KNTC1: variants seen among roughly 807,000 people sequenced by gnomAD.
KNTC1 encodes kinetochore-associated protein 1.
Under a neutral mutation model 314.4 loss-of-function variants are expected in KNTC1, and 253 were observed. The observed-to-expected ratio is 0.80, with a 90% CI of 0.73 to 0.89. The LOEUF (loss-of-function observed/expected upper bound fraction) is 0.89. KNTC1 is among the 40% of genes least tolerant of loss of function. The pLI is 0.00. For synonymous variants in KNTC1, 901 were observed against 901.4 expected, an observed-to-expected ratio of 1.00 and a Z score of 0.01; for missense variants, 2,475 against 2,572.9, an observed-to-expected ratio of 0.96 and a Z score of 0.82.
chr12:122,535,994 C>A (rs79882749), intron 3 of KNTC1, among the ~76,000 whole-genome samples: 1 of 148,736 alleles, frequency 6.7e-6, no homozygotes, highest in Non-Finnish European at 1.5e-5. Context: ...CCCGGGTTCA[C>A]ACCATTCTCC....
chr12:122,597,652 A>AC (rs1256647902), intron 43 of KNTC1, 79 bp from the exon 44 acceptor site: 10 of 1,148,988 alleles, frequency 8.7e-6, no homozygotes, highest in Non-Finnish European at 1.3e-5. Context: ...GGAAGCATGT[A>AC]CCCAAGTGTT....
Position 122,603,015 on chromosome 12 carries a change from T to A in KNTC1, c.4885-12T>A. 1 of 1,611,106 alleles carries A rather than the reference T, an allele frequency of 6.2e-7. No individual in the cohort carries two copies. The highest frequency in any genetic ancestry group is 1.1e-5 in the South Asian group (1 of 90,890). ...ATATGTGCTTCAGCCATAACCTTCC[T>A]TTTCTTTGAAGTTCTCTCTGGACAC... On this transcript the variant is annotated splice_polypyrimidine_tract_variant and intron_variant, in intron 47 of 63. Coordinates refer to ENST00000333479, the MANE Select transcript of KNTC1 (RefSeq NM_014708.6).
rs1451470312 is a variant in KNTC1, at chr12:122,604,916, C to CTTCA, written c.5217_5220dup (p.Ile1741SerfsTer21). 1 of 1,609,538 alleles carries CTTCA rather than the reference C, an allele frequency of 6.2e-7. No individual in the cohort carries two copies. Among genetic ancestry groups the CTTCA allele is most frequent in the South Asian group, 1.1e-5 (1 of 90,060 alleles). On this transcript the variant is annotated frameshift_variant, in exon 50 of 64. Coordinates refer to ENST00000333479, the MANE Select transcript of KNTC1 (RefSeq NM_014708.6). LOFTEE classifies it high-confidence loss of function. Reference sequence around the variant, plus strand: ...AAAAGCCGAGGCTTTGTTGAAGAAGCTTCATATCCAGTACCGGCGATCGGG... The same window carrying CTTCA: ...AAAAGCCGAGGCTTTGTTGAAGAAGCTTCATTCATATCCAGTACCGGCGATCGGG...
At chr12:122,621,333 G>A (rs1240461262) in intron 60 of KNTC1, among the ~76,000 whole-genome samples, 1 of 152,160 alleles carries the variant, frequency 6.6e-6, no homozygotes, top group Non-Finnish European at 1.5e-5. Flanking sequence ...GAACATACAT[G>A]CATTCAGGCT....
intron 36 of KNTC1, 120 bp from the exon 37 acceptor site, chr12:122,585,516 G>A (rs1005005253): frequency 1.3e-5 from 15 of 1,121,528 alleles, no homozygotes; most frequent in African/African-American, 9.4e-5. Flanking sequence ...GGCCTCCCTC[G>A]ACATTGTCCT....
chr12:122,591,487 G>A (rs759481518), intron 42 of KNTC1, 34 bp downstream of exon 42: 2 of 1,080,000 alleles, frequency 1.9e-6, no homozygotes, highest in East Asian at 4.7e-5. Context: ...CATCGATTCT[G>A]TTAATTACCC....
At chr12:122,562,439 T>TTTTGTG (rs370627145) in intron 19 of KNTC1, among the ~76,000 whole-genome samples, 199 bp from the exon 20 acceptor site, 175 of 145,082 alleles carry the variant, frequency 1.2e-3, no homozygotes, top group African/African-American at 4.3e-3. Flanking sequence ...ATCCCATGTT[T>TTTTGTG]TGTGTGTGTG....
At chr12:122,565,878 C>T (rs540819654) in intron 20 of KNTC1, among the ~76,000 whole-genome samples, 7 of 151,446 alleles carry the variant, frequency 4.6e-5, no homozygotes, top group African/African-American at 7.3e-5. Flanking sequence ...CAGTGAAACT[C>T]GCCTCAAAAA....
intron 44 of KNTC1, among the ~76,000 whole-genome samples, chr12:122,599,617 C>T (rs956681944): frequency 1.3e-5 from 2 of 151,968 alleles, no homozygotes; most frequent in East Asian, 1.9e-4. Context: ...TCCCAAAGTG[C>T]TGGAATTACA....
chr12:122,552,471 C>T (rs1349488309), intron 16 of KNTC1, among the ~76,000 whole-genome samples: 1 of 152,128 alleles, frequency 6.6e-6, no homozygotes, highest in Non-Finnish European at 1.5e-5. Context: ...CTCAAGTGAT[C>T]CTCCTGCTTC....
At chr12:122,585,867 G>GC (rs1869209624) in intron 37 of KNTC1, 93 bp downstream of exon 37, 1 of 1,188,364 alleles carries the variant, frequency 8.4e-7, no homozygotes, top group Admixed American at 1.8e-5. Context: ...ACACAGTAAT[G>GC]TGGGCGAACC....
At chr12:122,562,729 G>C in intron 20 of KNTC1, 30 bp downstream of exon 20, 3 of 1,392,638 alleles carry the variant, frequency 2.2e-6, no homozygotes, top group African/African-American at 1.4e-5. Context: ...AACTTTTTAG[G>C]CCAGGCATGG....
In KNTC1 at chr12:122,557,688, G is replaced by A. The variant is rs745960814; in HGVS notation, c.1487G>A (p.Arg496Lys). 3.1e-6 allele frequency: 5 copies of A among 1,610,546 alleles called. No homozygotes were observed. Among genetic ancestry groups the A allele is most frequent in the Non-Finnish European group, 4.2e-6 (5 of 1,178,296 alleles). The stretch of plus-strand genomic sequence containing the variant: ...GAGATGCTGAATTATGCCAAAACCA[G>A]GGTAGGTTCGTTTTTTTGTATTTTG... ...TQEMLNYAKT[R>K]LLKKEDKTAL... Residue 496 changes from arginine (R) to lysine (K), a missense_variant and splice_region_variant, in exon 18 of 64, where the codon AGG (arginine) becomes AAG (lysine). By Grantham distance (26) the Arg-to-Lys change is conservative. Transcript: ENST00000333479.
intron 52 of KNTC1, 40 bp from the exon 53 acceptor site, chr12:122,610,782 C>G: frequency 3.8e-6 from 5 of 1,320,270 alleles, no homozygotes; most frequent in Middle Eastern, 1.8e-4. Context: ...TAATCCATCA[C>G]TAAATTAAAA....
chr12:122,599,035 C>A (rs1871454887), intron 44 of KNTC1, among the ~76,000 whole-genome samples: 1 of 151,898 alleles, frequency 6.6e-6, no homozygotes, highest in South Asian at 2.1e-4. Flanking sequence ...GCAGATGAAT[C>A]TCACTGTGTT....
In KNTC1 at chr12:122,604,694, C is replaced by T. The variant is rs999313516; in HGVS notation, c.5175+57C>T. ...CTTCTTCCTAATTAAATTGTACTAG[C>T]TTAATTTACCTTCTCATGCTGCCCT... is the stretch of plus-strand genomic sequence containing the variant. On this transcript the variant is annotated intron_variant, in intron 49 of 63. Transcript: ENST00000333479. 39 of 1,299,478 alleles carry T rather than the reference C, an allele frequency of 3.0e-5. No individual in the cohort carries two copies. The Admixed American group carries it at 6.4e-4, about 21-fold the overall frequency. The allele number at this position is 1,299,478 out of a possible 1,614,324, so 80.5% of individuals were successfully genotyped here.
chr12:122,598,990 T>A (rs181259538), intron 44 of KNTC1, among the ~76,000 whole-genome samples: 36 of 152,016 alleles, frequency 2.4e-4, no homozygotes, highest in African/African-American at 7.5e-4. Flanking sequence ...TTTTAATTTT[T>A]AAAATTTTTT....
At chr12:122,568,831 G>A (rs544864249) in intron 21 of KNTC1, among the ~76,000 whole-genome samples, 27 of 150,896 alleles carry the variant, frequency 1.8e-4, no homozygotes, top group Non-Finnish European at 3.1e-4. Context: ...GTGAGACTCC[G>A]TCCCAAAAAA....
At chr12:122,599,513 A>G (rs1871543743) in intron 44 of KNTC1, among the ~76,000 whole-genome samples, 1 of 151,980 alleles carries the variant, frequency 6.6e-6, no homozygotes, top group Non-Finnish European at 1.5e-5. Context: ...CACCACGTCC[A>G]GCTAATTTTT....
Sources: gnomAD v4.1 joint callset for allele counts (sites outside exome capture counted in the v4.1 genomes callset) on GRCh38, gnomAD v4.1.1 for gene constraint, MANE v1.5 for transcripts, NCBI Gene and HGNC (gene_info 2026-07-23, HGNC 2026-07-21) for gene names.